Variants in MYLK observed in about 807,000 individuals in gnomAD.
The protein encoded by MYLK is myosin light chain kinase, smooth muscle.
A neutral mutation model predicts 203.4 loss-of-function variants in MYLK; 106 were observed. The ratio of observed to expected loss-of-function variants is 0.52; its 90% confidence interval spans 0.45 to 0.61. MYLK has a LOEUF of 0.61. MYLK is among the 20% of genes least tolerant of loss of function. The probability of loss-of-function intolerance (pLI) is 0.00; values close to 1 mark genes in which losing one functional copy is unlikely to be tolerated. For missense variants in MYLK, 2,072 were observed against 2,442.3 expected, an observed-to-expected ratio of 0.85 and a Z score of 3.20; for synonymous variants, 867 against 959.5, an observed-to-expected ratio of 0.90 and a Z score of 1.78.
chr3:123,776,711 C>T (rs1011277535), intron 4 of MYLK, among the ~76,000 whole-genome samples: 2 of 152,214 alleles, frequency 1.3e-5, no homozygotes, highest in Non-Finnish European at 2.9e-5. Context: ...ACTTATATTA[C>T]ATATGCAGCA....
intron 13 of MYLK, among the ~76,000 whole-genome samples, chr3:123,710,626 A>G (rs1401665854): frequency 1.3e-5 from 2 of 152,232 alleles, no homozygotes; most frequent in Non-Finnish European, 2.9e-5. Flanking sequence ...TCTCTCATAC[A>G]TGGCAGGTGG....
At chr3:123,807,384 G>A (rs2065406554) in intron 3 of MYLK, among the ~76,000 whole-genome samples, 2 of 151,706 alleles carry the variant, frequency 1.3e-5, no homozygotes, top group African/African-American at 4.8e-5. Context: ...GGCTGAGACA[G>A]TGCCACTGCA....
rs1316166866 is a variant in MYLK, at chr3:123,613,690, G to C, written c.*415C>G. Reference sequence around the variant, plus strand: ...GTTCTCTAGAGTCAGGGGGTGGGGAGAGAGAGGCCTCCCATCCCCAGGAAC... The same window carrying C: ...GTTCTCTAGAGTCAGGGGGTGGGGACAGAGAGGCCTCCCATCCCCAGGAAC... On this transcript the variant is annotated 3_prime_UTR_variant, in exon 34 of 34. Coordinates refer to ENST00000360304, the MANE Select transcript of MYLK (RefSeq NM_053025.4). The C allele has an allele frequency of 8.7e-6, 2 of 230,322 alleles. No homozygotes were observed. Among genetic ancestry groups the C allele is most frequent in the African/African-American group, 4.7e-5 (2 of 42,606 alleles). 14.3% of individuals were successfully genotyped at this position (230,322 alleles called of 1,614,324 possible).
chr3:123,642,472 C>T lies in MYLK; in HGVS notation c.4620-1968G>A, dbSNP rs2058870177. 6.6e-6 allele frequency among the ~76,000 whole-genome samples: 1 copy of T among 152,178 alleles called. No individual in the cohort carries two copies. The highest frequency in any genetic ancestry group is 1.5e-5 in the Non-Finnish European group (1 of 68,032). On this transcript the variant is annotated intron_variant, in intron 27 of 33. Coordinates refer to ENST00000360304, the MANE Select transcript of MYLK (RefSeq NM_053025.4). The surrounding 1 kb of genome is among the most constrained non-coding windows in gnomAD (Gnocchi z 4.2). The stretch of plus-strand genomic sequence containing the variant: ...GCCCAGCATACCACAGCCTCTGCCA[C>T]GTGACACACACACTCACTTCTGGAA...
intron 19 of MYLK, among the ~76,000 whole-genome samples, chr3:123,685,292 C>T (rs911942574): frequency 1.3e-5 from 2 of 152,184 alleles, no homozygotes; most frequent in African/African-American, 2.4e-5. Flanking sequence ...TTTTGGAAAG[C>T]AGGAAATGAT....
intron 13 of MYLK, among the ~76,000 whole-genome samples, chr3:123,717,305 T>C (rs1209444535): frequency 2.0e-5 from 3 of 152,252 alleles, no homozygotes; most frequent in Admixed American, 2.0e-4. Flanking sequence ...CCTCTACTCA[T>C]TGCCAAGCAA....
rs1365838536 is a variant in MYLK, at chr3:123,737,290, C to T, written c.754+88G>A. 9.0e-6 allele frequency: 14 copies of T among 1,557,704 alleles called. No homozygotes were observed. The Admixed American group carries it at 1.5e-4, about 17-fold the overall frequency. On this transcript the variant is annotated intron_variant, in intron 8 of 33. Coordinates refer to ENST00000360304, the MANE Select transcript of MYLK (RefSeq NM_053025.4). ...TGTGAGTGGGCCAGGTGTATACACA[C>T]ACAGGTGCGCAGTGAACAAGCAGCT...
chr3:123,827,446 T>G (rs1219544246), intron 3 of MYLK, among the ~76,000 whole-genome samples: 1 of 151,576 alleles, frequency 6.6e-6, no homozygotes, highest in African/African-American at 2.4e-5. Flanking sequence ...TCTATTAGAC[T>G]AACAGGAGAT....
intron 24 of MYLK, among the ~76,000 whole-genome samples, chr3:123,652,617 G>T (rs970043266): frequency 2.6e-5 from 4 of 152,218 alleles, no homozygotes; most frequent in Non-Finnish European, 5.9e-5. Flanking sequence ...TTTATATCTC[G>T]AACTGTCCTG....
At position 123,629,754 on chromosome 3, in the gene MYLK, T is replaced by C. The variant is rs2058333207; in HGVS notation, c.4962-128A>G. The C allele has an allele frequency of 4.4e-6, 4 of 910,710 alleles. No homozygotes were observed. In the South Asian group the frequency reaches 4.5e-5, roughly 10 times the overall value. 56.4% of individuals were successfully genotyped at this position (910,710 alleles called of 1,614,324 possible). On this transcript the variant is annotated intron_variant, in intron 29 of 33. Coordinates refer to ENST00000360304, the MANE Select transcript of MYLK (RefSeq NM_053025.4). This position sits in a 1 kb window ranked among gnomAD's most constrained non-coding sequence, Gnocchi z 4.4. Reference sequence around the variant, plus strand: ...CCCCAAACTCATGCTCTGTGGGCCTTGCACCTGCCTTTCTTCCACTTGTGG... The same window carrying C: ...CCCCAAACTCATGCTCTGTGGGCCTCGCACCTGCCTTTCTTCCACTTGTGG...
chr3:123,724,978 C>A (rs2062229340), intron 12 of MYLK, among the ~76,000 whole-genome samples: 1 of 152,112 alleles, frequency 6.6e-6, no homozygotes, highest in African/African-American at 2.4e-5. Flanking sequence ...CTCCTGACCT[C>A]AGGTGATCCA....
intron 2 of MYLK, 97 bp from the exon 3 acceptor site, chr3:123,831,767 G>A (rs2066336727): frequency 5.5e-6 from 1 of 181,778 alleles, no homozygotes; most frequent in Non-Finnish European, 1.2e-5. Flanking sequence ...CTCTGGGACA[G>A]GCTATGTAGA....
intron 5 of MYLK, among the ~76,000 whole-genome samples, chr3:123,747,499 T>C (rs2108855577): frequency 6.6e-6 from 1 of 152,334 alleles, no homozygotes; most frequent in East Asian, 1.9e-4. Flanking sequence ...CGGGTGATTC[T>C]GATGCATGCT....
At chr3:123,745,577 C>T (rs1362287720) in intron 5 of MYLK, among the ~76,000 whole-genome samples, 1 of 152,146 alleles carries the variant, frequency 6.6e-6, no homozygotes, top group African/African-American at 2.4e-5. Flanking sequence ...TGTTAGTCTA[C>T]TTGTTGAAGC....
chr3:123,676,446 TA>T (rs1336380756), intron 20 of MYLK, among the ~76,000 whole-genome samples: 1 of 152,010 alleles, frequency 6.6e-6, no homozygotes, highest in Non-Finnish European at 1.5e-5. Context: ...GAGGAATGTT[TA>T]AAAAAAAGAT....
intron 33 of MYLK, chr3:123,616,665 A>G (rs1167710345): frequency 1.3e-5 from 2 of 152,072 alleles, no homozygotes; most frequent in East Asian, 3.9e-4. Flanking sequence ...ATGGAGGCCG[A>G]TCCCTCATGA....
intron 5 of MYLK, among the ~76,000 whole-genome samples, chr3:123,743,566 A>ATTTTTC (rs2062924696): frequency 6.6e-6 from 1 of 152,250 alleles, no homozygotes; most frequent in Non-Finnish European, 1.5e-5. Context: ...AAAGGGGATT[A>ATTTTTC]AAGTAGAAAT....
At chr3:123,806,704 C>T (rs891276656) in intron 3 of MYLK, among the ~76,000 whole-genome samples, 11 of 152,008 alleles carry the variant, frequency 7.2e-5, no homozygotes, top group South Asian at 4.2e-4. Context: ...CTCTTGTCAC[C>T]CAGGCTGAAG....
intron 20 of MYLK, among the ~76,000 whole-genome samples, chr3:123,679,318 A>AAAAAAAC (rs1560060475): frequency 6.6e-6 from 1 of 151,648 alleles, no homozygotes; most frequent in African/African-American, 2.4e-5. Context: ...AAAAAAAAAA[A>AAAAAAAC]AAAACAAAAC....
Sources: allele counts gnomAD v4.1 joint callset (sites outside exome capture counted in the v4.1 genomes callset), GRCh38; gene constraint gnomAD v4.1.1; non-coding constraint Gnocchi (gnomAD v3.1); transcripts MANE v1.5; gene names NCBI Gene and HGNC (gene_info 2026-07-23, HGNC 2026-07-21).